The following TMOD1 variants were observed in gnomAD, a reference collection of about 807,000 sequenced individuals.
TMOD1 encodes tropomodulin 1, also known as tropomodulin-1.
In TMOD1, 17 loss-of-function variants were observed where a neutral mutation model predicts 40.6. The ratio of observed to expected loss-of-function variants is 0.42; its 90% confidence interval spans 0.29 to 0.63. The LOEUF (loss-of-function observed/expected upper bound fraction) is 0.63. Ranked by LOEUF, TMOD1 falls within the 20% of genes least tolerant of loss-of-function variation. The probability of loss-of-function intolerance (pLI) is 0.22; values close to 1 mark genes in which losing one functional copy is unlikely to be tolerated. For synonymous variants in TMOD1, 181 were observed against 175.0 expected (o/e 1.03, Z -0.27); for missense variants, 391 against 447.6 (o/e 0.87, Z 1.14).
intron 3 of TMOD1, among the ~76,000 whole-genome samples, chr9:97,547,883 C>G (rs1338361065): frequency 6.6e-6 from 1 of 152,172 alleles, no homozygotes; most frequent in Non-Finnish European, 1.5e-5. Context: ...CAGCATGCAG[C>G]CAGTGCGAGG....
chr9:97,520,062 G>A (rs1385463286), intron 1 of TMOD1, among the ~76,000 whole-genome samples: 1 of 151,932 alleles, frequency 6.6e-6, no homozygotes, highest in Non-Finnish European at 1.5e-5. Context: ...ATTTTATATG[G>A]AACCCAAATA....
chr9:97,577,017 G>C (rs1830954747), intron 8 of TMOD1, among the ~76,000 whole-genome samples: 1 of 152,144 alleles, frequency 6.6e-6, no homozygotes, highest in Non-Finnish European at 1.5e-5. Context: ...TACTCAATCT[G>C]TGTTAATATC....
chr9:97,563,947 C>G, intron 5 of TMOD1, 91 bp from the exon 6 acceptor site: 3 of 1,527,312 alleles, frequency 2.0e-6, no homozygotes, highest in South Asian at 2.6e-5. Flanking sequence ...TGCCCCAACC[C>G]TGCACATGCT....
chr9:97,597,622 C>T (rs775296291), intron 9 of TMOD1, among the ~76,000 whole-genome samples: 3 of 141,424 alleles, frequency 2.1e-5, no homozygotes, highest in African/African-American at 8.0e-5. Context: ...TGCTTGAACT[C>T]GGGAGGCGGA....
chr9:97,522,547 T>G (rs1829934017), intron 1 of TMOD1, among the ~76,000 whole-genome samples: 1 of 152,100 alleles, frequency 6.6e-6, no homozygotes, highest in Non-Finnish European at 1.5e-5. Flanking sequence ...ATATGAACTT[T>G]TATTTGTATT....
chr9:97,501,629 C>A (rs1212276558), upstream of TMOD1: 1 of 149,124 alleles, frequency 6.7e-6, no homozygotes, highest in South Asian at 1.9e-4. Flanking sequence ...GCTCCCACCC[C>A]CGAGCCCACA....
At chr9:97,596,014 C>T (rs1230129020) in intron 9 of TMOD1, among the ~76,000 whole-genome samples, 2 of 151,768 alleles carry the variant, frequency 1.3e-5, no homozygotes, top group East Asian at 1.9e-4. Context: ...GCAGAAATTG[C>T]AGTGAGCCAA....
Position 97,546,338 on chromosome 9 carries a change from C to A in TMOD1, c.274C>A (p.Arg92=), listed in dbSNP as rs756120153. The A allele has an allele frequency of 5.0e-6, 8 of 1,613,188 alleles. No homozygotes were observed. Among genetic ancestry groups the A allele is most frequent in the Non-Finnish European group, 5.9e-6 (7 of 1,179,668 alleles). ...EDLVPYTGEK[R]GKVWVPKQKP... ...TCTGGTCCCCTACACAGGGGAAAAACGAGGTACTGAACAATGTTACTGTTA... is the reference window on the plus strand; with the variant it reads ...TCTGGTCCCCTACACAGGGGAAAAAAGAGGTACTGAACAATGTTACTGTTA... The change falls in exon 3 of 10, where the codon CGA becomes AGA. Residue 92 remains arginine, a synonymous_variant. Transcript: ENST00000259365.
rs986137264 is a variant in TMOD1 at position 97,513,935 on chromosome 9, G to A, written c.-48-10206G>A. ...CACATGTAAGCCAAGGCTGAGTCTGGCCCTGGGGCCTTCAGAGCGTGTGCC... is the reference window on the plus strand; with the variant it reads ...CACATGTAAGCCAAGGCTGAGTCTGACCCTGGGGCCTTCAGAGCGTGTGCC... On this transcript the variant is annotated intron_variant, in intron 1 of 9. Coordinates refer to ENST00000259365, the MANE Select transcript of TMOD1 (RefSeq NM_003275.4). This position sits in a 1 kb window ranked among gnomAD's most constrained non-coding sequence, Gnocchi z 4.1. 1 of 152,338 alleles carries A rather than the reference G, an allele frequency of 6.6e-6. No individual in the cohort carries two copies. The highest frequency in any genetic ancestry group is 2.4e-5 in the African/African-American group (1 of 41,464). The allele number at this position is 152,338 out of a possible 1,614,324, so 9.4% of individuals were successfully genotyped here.
At chr9:97,536,541 C>T (rs531218313) in intron 2 of TMOD1, among the ~76,000 whole-genome samples, 8 of 152,072 alleles carry the variant, frequency 5.3e-5, no homozygotes, top group Non-Finnish European at 1.0e-4. Context: ...GGGGAGTCTC[C>T]ACTCCCCTGC....
In TMOD1 at chr9:97,531,033, A is replaced by ACCCCCCCCCCCCCC. The variant is rs202030181; in HGVS notation, c.120+6728_120+6729insCCCCCCCCCCCCCC. 5.4e-4 allele frequency among the ~76,000 whole-genome samples: 42 copies of ACCCCCCCCCCCCCC among 78,252 alleles called. 5 individuals carry two copies. Among genetic ancestry groups the ACCCCCCCCCCCCCC allele is most frequent in the African/African-American group, 8.0e-4 (15 of 18,666 alleles). The allele number at this position is 78,252 out of a possible 152,430, so 51.3% of individuals were successfully genotyped here. On this transcript the variant is annotated intron_variant, in intron 2 of 9. Coordinates refer to ENST00000259365, the MANE Select transcript of TMOD1 (RefSeq NM_003275.4). ...GAACTCCTGACCTTAGGTGATCCAC[A>ACCCCCCCCCCCCCC]CCCACCCCCCCCACCACCCCTTGGC...
At chr9:97,519,809 T>C (rs1313346149) in intron 1 of TMOD1, among the ~76,000 whole-genome samples, 1 of 152,074 alleles carries the variant, frequency 6.6e-6, no homozygotes, top group Non-Finnish European at 1.5e-5. Flanking sequence ...GACGACAGCA[T>C]GGCTCGGGGA....
intron 9 of TMOD1, among the ~76,000 whole-genome samples, chr9:97,595,218 C>T (rs1317208584): frequency 6.6e-6 from 1 of 152,202 alleles, no homozygotes; most frequent in Non-Finnish European, 1.5e-5. Flanking sequence ...ACCTCAAATA[C>T]TTTTTGTGGT....
chr9:97,555,577 C>A, intron 4 of TMOD1: 1 of 1,535,420 alleles, frequency 6.5e-7, no homozygotes, highest in Non-Finnish European at 8.8e-7. Flanking sequence ...GAGAGGGGAG[C>A]TGTAAGTCTA....
intron 2 of TMOD1, among the ~76,000 whole-genome samples, chr9:97,545,085 T>A (rs568647465): frequency 1.4e-4 from 21 of 151,222 alleles, no homozygotes; most frequent in Admixed American, 1.1e-3. Context: ...ATCTTTTGGG[T>A]GATGTTCTGC....
At chr9:97,581,025 G>T in intron 8 of TMOD1, among the ~76,000 whole-genome samples, 1 of 120,660 alleles carries the variant, frequency 8.3e-6, no homozygotes. Flanking sequence ...TTAAGTTTTA[G>T]GGTACATGTG....
intron 1 of TMOD1, among the ~76,000 whole-genome samples, chr9:97,510,131 C>A (rs148026294): frequency 6.6e-6 from 1 of 152,260 alleles, no homozygotes; most frequent in East Asian, 1.9e-4. Flanking sequence ...TTTCATAAAG[C>A]TCTATCTTAC....
At chr9:97,559,680 G>A (rs1358385749) in intron 4 of TMOD1, among the ~76,000 whole-genome samples, 2 of 149,462 alleles carry the variant, frequency 1.3e-5, no homozygotes, top group East Asian at 3.9e-4. Flanking sequence ...CAGGAGAATC[G>A]CTTGAGTCCG....
intron 1 of TMOD1, among the ~76,000 whole-genome samples, chr9:97,522,941 G>A (rs138497483): frequency 3.9e-4 from 59 of 152,272 alleles, no homozygotes; most frequent in African/African-American, 1.4e-3. Context: ...CCAAGCTGGA[G>A]GACAATAGCG....
Sources: gnomAD v4.1 joint callset for allele counts (sites outside exome capture counted in the v4.1 genomes callset) on GRCh38, gnomAD v4.1.1 for gene constraint, Gnocchi (gnomAD v3.1) non-coding constraint, MANE v1.5 for transcripts, NCBI Gene and HGNC (gene_info 2026-07-23, HGNC 2026-07-21) for gene names.